Variants in C8A observed in about 807,000 individuals in gnomAD.
The protein encoded by C8A is complement component C8 alpha chain.
In C8A, 67 loss-of-function variants were observed where a neutral mutation model predicts 65.3. The observed-to-expected ratio is 1.03, with a 90% CI of 0.84 to 1.26. The LOEUF is 1.26. C8A is among the 50% of genes most tolerant of loss of function. The pLI, the probability that C8A is intolerant of heterozygous loss-of-function variation, is 0.00. For synonymous variants in C8A, 290 were observed against 259.4 expected (o/e 1.12, Z -1.13); for missense variants, 781 against 723.9 (o/e 1.08, Z -0.90).
chr1:56,889,511 G>T (rs992835203), intron 7 of C8A, among the ~76,000 whole-genome samples: 6 of 151,652 alleles, frequency 4.0e-5, no homozygotes, highest in Non-Finnish European at 8.8e-5. Context: ...TTTCTTTCTA[G>T]GTACCTTTCT....
chr1:56,915,216 G>C lies in C8A; in HGVS notation c.1604-2349G>C, dbSNP rs190721895. Reference sequence around the variant, plus strand: ...TTGCTGGCAAAAGGGGATAGAATCTGGGTTCCAGTGAGCTGCCTGTGTCCT... The same window carrying C: ...TTGCTGGCAAAAGGGGATAGAATCTCGGTTCCAGTGAGCTGCCTGTGTCCT... On this transcript the variant is annotated intron_variant, in intron 10 of 10. Transcript: ENST00000361249. Among the ~76,000 whole-genome samples, 806 of 152,282 alleles carry C rather than the reference G, an allele frequency of 5.3e-3. 18 individuals carry two copies. Among genetic ancestry groups the C allele is most frequent in the Non-Finnish European group, 6.8e-4 (46 of 68,014 alleles).
intron 6 of C8A, among the ~76,000 whole-genome samples, chr1:56,884,969 G>A (rs111731625): frequency 1.3e-5 from 2 of 152,162 alleles, no homozygotes; most frequent in African/African-American, 4.8e-5. Context: ...CTTAAACACA[G>A]TTTTTAATGG....
At chr1:56,890,792 C>T (rs1035243439) in intron 7 of C8A, among the ~76,000 whole-genome samples, 1 of 152,084 alleles carries the variant, frequency 6.6e-6, no homozygotes, top group Non-Finnish European at 1.5e-5. Flanking sequence ...ATCATTTGGG[C>T]CTCCTTAAGC....
chr1:56,912,336 G>A lies in C8A; in HGVS notation c.1381-67G>A, dbSNP rs1754532. The A allele has an allele frequency of 4.2e-3, 6,208 of 1,484,064 alleles. 222 individuals are homozygous for A. In the African/African-American group the frequency reaches 0.072, roughly 17 times the overall value. 91.9% of individuals were successfully genotyped at this position (1,484,064 alleles called of 1,614,324 possible). On this transcript the variant is annotated intron_variant, in intron 9 of 10. Coordinates refer to ENST00000361249, the MANE Select transcript of C8A (RefSeq NM_000562.3). ...CAGGCCTTCCAGAAGCTTGGTGGCCGGTTCTTGGGCTCTGGGAAGGTAGAT... is the reference window on the plus strand; with the variant it reads ...CAGGCCTTCCAGAAGCTTGGTGGCCAGTTCTTGGGCTCTGGGAAGGTAGAT...
At chr1:56,897,259 T>A in intron 7 of C8A, among the ~76,000 whole-genome samples, 1 of 152,204 alleles carries the variant, frequency 6.6e-6, no homozygotes, top group African/African-American at 2.4e-5. Context: ...GAATTGTTAA[T>A]GTTTAAACTG....
intron 7 of C8A, among the ~76,000 whole-genome samples, chr1:56,899,933 A>T (rs1490794150): frequency 6.6e-6 from 1 of 152,192 alleles, no homozygotes; most frequent in African/African-American, 2.4e-5. Context: ...TAGTCATTGG[A>T]CAGGGGTGGC....
intron 7 of C8A, among the ~76,000 whole-genome samples, chr1:56,897,909 T>C (rs1391594291): frequency 6.6e-6 from 1 of 152,100 alleles, no homozygotes; most frequent in Non-Finnish European, 1.5e-5. Flanking sequence ...GTGCAGTCAG[T>C]TGGGTGCCAA....
intron 1 of C8A, among the ~76,000 whole-genome samples, chr1:56,855,853 G>A (rs936434335): frequency 1.3e-5 from 2 of 152,058 alleles, no homozygotes; most frequent in Non-Finnish European, 2.9e-5. Context: ...TAACAGTTCA[G>A]AAGGGAGGAA....
intron 1 of C8A, among the ~76,000 whole-genome samples, chr1:56,859,117 G>A (rs1252263522): frequency 6.6e-6 from 1 of 152,136 alleles, no homozygotes; most frequent in Non-Finnish European, 1.5e-5. Flanking sequence ...ATAGGCTTTG[G>A]AGTCTTTGTT....
At chr1:56,881,024 A>G (rs1644243162) in intron 4 of C8A, among the ~76,000 whole-genome samples, 1 of 152,192 alleles carries the variant, frequency 6.6e-6, no homozygotes, top group African/African-American at 2.4e-5. Flanking sequence ...CCATGTGGGA[A>G]TATGATTCTA....
In C8A at chr1:56,886,273, T is replaced by C. The variant is rs1644299844; in HGVS notation, c.1096+106T>C. ...ATGAGCCATGGGTGATCTCATTTAG[T>C]TTTTAGGACAACTCTATAGGATAGC... On this transcript the variant is annotated intron_variant, in intron 7 of 10. Transcript: ENST00000361249. The C allele has an allele frequency of 4.5e-6, 6 of 1,338,136 alleles. No homozygotes were observed. The Admixed American group carries it at 8.4e-5, about 19-fold the overall frequency. The allele number at this position is 1,338,136 out of a possible 1,614,324, so 82.9% of individuals were successfully genotyped here.
chr1:56,882,130 G>T (rs923613429), intron 5 of C8A, among the ~76,000 whole-genome samples: 2 of 152,080 alleles, frequency 1.3e-5, no homozygotes, highest in African/African-American at 4.8e-5. Context: ...TGAAGCAAGG[G>T]TTCTTCTGTA....
chr1:56,885,645 T>C (rs1644293783), intron 6 of C8A, among the ~76,000 whole-genome samples: 1 of 149,518 alleles, frequency 6.7e-6, no homozygotes, highest in African/African-American at 2.5e-5. Context: ...TCTGACTCCC[T>C]GGTTCAAGCG....
At chr1:56,856,063 A>G (rs1171640576) in intron 1 of C8A, among the ~76,000 whole-genome samples, 10 of 152,112 alleles carry the variant, frequency 6.6e-5, no homozygotes, top group Non-Finnish European at 1.5e-5. Context: ...TGTTTGATGA[A>G]CTTATCAAAC....
intron 7 of C8A, among the ~76,000 whole-genome samples, chr1:56,900,034 T>C (rs1163559521): frequency 6.6e-6 from 1 of 152,160 alleles, no homozygotes; most frequent in East Asian, 1.9e-4. Flanking sequence ...AGTCAGAGCC[T>C]CTGAAGAACC....
At chr1:56,890,970 C>T (rs182175354) in intron 7 of C8A, among the ~76,000 whole-genome samples, 2 of 152,178 alleles carry the variant, frequency 1.3e-5, no homozygotes, top group African/African-American at 4.8e-5. Context: ...TTGTTTATTA[C>T]TGCATATTCA....
chr1:56,881,600 G>A lies in C8A; in HGVS notation c.620G>A (p.Arg207Gln), dbSNP rs1007715803. 7.4e-6 allele frequency: 12 copies of A among 1,613,468 alleles called. No homozygotes were observed. The highest frequency in any genetic ancestry group is 1.7e-4 in the Middle Eastern group (1 of 5,942). ...TATGGAGATGATGAGAAATACTTTC[G>A]GAAACCCTACAACTTTCTGAAGTAC... Reference protein sequence around the residue: ...LYYGDDEKYFRKPYNFLKYHF... With the variant: ...LYYGDDEKYFQKPYNFLKYHF... The change falls in exon 5 of 11, where the codon CGG becomes CAG. Residue 207 changes from arginine to glutamine, a missense_variant. Transcript: ENST00000361249.
chr1:56,865,831 G>T (rs193163948), intron 1 of C8A, among the ~76,000 whole-genome samples: 1 of 152,272 alleles, frequency 6.6e-6, no homozygotes, highest in East Asian at 1.9e-4. Flanking sequence ...TAACAGGTTT[G>T]ATGTTTAGAT....
intron 6 of C8A, among the ~76,000 whole-genome samples, chr1:56,885,564 T>G (rs1032556082): frequency 1.4e-5 from 2 of 146,986 alleles, no homozygotes; most frequent in Admixed American, 1.4e-4. Flanking sequence ...TGTTTTTTTT[T>G]GTTTGTTTTT....
Sources: gnomAD v4.1 joint callset for allele counts (sites outside exome capture counted in the v4.1 genomes callset) on GRCh38, gnomAD v4.1.1 for gene constraint, MANE v1.5 for transcripts, NCBI Gene and HGNC (gene_info 2026-07-23, HGNC 2026-07-21) for gene names.